Variants in SSBP3 observed in about 807,000 individuals in gnomAD.
The protein encoded by SSBP3 is single-stranded DNA-binding protein 3.
In SSBP3, 5 loss-of-function variants were observed where a neutral mutation model predicts 69.6. The observed-to-expected ratio is 0.07, with a 90% confidence interval of 0.04 to 0.15. The LOEUF is 0.15. SSBP3 is among the 10% of genes least tolerant of loss of function. SSBP3 has a pLI of 1.00. For missense variants in SSBP3, 312 were observed against 534.0 expected, an observed-to-expected ratio of 0.58 and a Z score of 4.10; for synonymous variants, 196 against 193.4, an observed-to-expected ratio of 1.01 and a Z score of -0.11.
intron 4 of SSBP3, among the ~76,000 whole-genome samples, chr1:54,315,059 C>A (rs1646071437): frequency 6.6e-6 from 1 of 152,172 alleles, no homozygotes; most frequent in Non-Finnish European, 1.5e-5. Context: ...CCTGGAGAGG[C>A]TGCTGGCTCT....
At chr1:54,362,966 G>A (rs58468795) in intron 4 of SSBP3, among the ~76,000 whole-genome samples, 1,973 of 152,112 alleles carry the variant, frequency 0.013, 38 homozygotes, top group African/African-American at 0.045. Flanking sequence ...CGGGGGGCGG[G>A]GCAGAGGGAT....
At chr1:54,355,325 A>T (rs188791933) in intron 4 of SSBP3, among the ~76,000 whole-genome samples, 1 of 152,156 alleles carries the variant, frequency 6.6e-6, no homozygotes, top group South Asian at 2.1e-4. Flanking sequence ...CACAGACATT[A>T]CAGGGAGATC....
chr1:54,361,010 A>G (rs2100632749), intron 4 of SSBP3, among the ~76,000 whole-genome samples: 1 of 152,078 alleles, frequency 6.6e-6, no homozygotes, highest in African/African-American at 2.4e-5. Flanking sequence ...GGACTGCTTG[A>G]GCCCAGGAGG....
intron 4 of SSBP3, among the ~76,000 whole-genome samples, chr1:54,389,450 GC>G (rs1035612982): frequency 2.6e-5 from 4 of 151,970 alleles, no homozygotes; most frequent in Non-Finnish European, 5.9e-5. Flanking sequence ...AACCCTATGA[GC>G]CCAGGCCAGG....
chr1:54,396,889 G>A (rs896707130), intron 4 of SSBP3, among the ~76,000 whole-genome samples: 2 of 152,090 alleles, frequency 1.3e-5, no homozygotes, highest in Admixed American at 6.5e-5. Flanking sequence ...CCATTAAGGT[G>A]GCTGCACTGC....
intron 4 of SSBP3, among the ~76,000 whole-genome samples, chr1:54,308,388 T>G (rs1645937328): frequency 6.6e-6 from 1 of 150,744 alleles, no homozygotes; most frequent in South Asian, 2.1e-4. Flanking sequence ...GATCATGAGG[T>G]CAGGAGATCG....
At chr1:54,274,760 G>A (rs994994714) in intron 5 of SSBP3, among the ~76,000 whole-genome samples, 7 of 152,160 alleles carry the variant, frequency 4.6e-5, no homozygotes, top group South Asian at 2.1e-4. Flanking sequence ...TCCTGGGATC[G>A]CGTTGCTCCC....
intron 14 of SSBP3, chr1:54,237,532 C>T (rs1644519397): frequency 6.6e-6 from 1 of 152,296 alleles, no homozygotes. Context: ...CCATTTCTCA[C>T]ATTCTTTTCT....
At chr1:54,323,492 T>G (rs1446687896) in intron 4 of SSBP3, among the ~76,000 whole-genome samples, 1 of 152,144 alleles carries the variant, frequency 6.6e-6, no homozygotes, top group African/African-American at 2.4e-5. Context: ...GAGGAGGTGT[T>G]GCTCCAGCCT....
At position 54,276,608 on chromosome 1, in the gene SSBP3, C is replaced by CAAAAAAAAA. The variant is rs746933473; in HGVS notation, c.366+4821_366+4829dup. ...TGGGTGACAGAGTGAGACTCTGTCT[C>CAAAAAAAAA]AAAAAAAAAAAAAAAAAAAAAAAAA... On this transcript the variant is annotated intron_variant, in intron 5 of 17. Coordinates refer to ENST00000610401, the Ensembl canonical transcript of SSBP3. Among the ~76,000 whole-genome samples the CAAAAAAAAA allele has an allele frequency of 3.7e-4, 13 of 35,214 alleles. 1 individual carries two copies. Among genetic ancestry groups the CAAAAAAAAA allele is most frequent in the African/African-American group, 1.8e-3 (12 of 6,692 alleles). 23.1% of individuals were successfully genotyped at this position (35,214 alleles called of 152,430 possible). A position where few individuals can be genotyped will look rare whatever the true frequency, so the allele number is the denominator to read the frequency against.
chr1:54,275,697 C>T (rs1024442106), intron 5 of SSBP3, among the ~76,000 whole-genome samples: 5 of 152,234 alleles, frequency 3.3e-5, no homozygotes, highest in Admixed American at 6.5e-5. Context: ...ATTAATTTGG[C>T]AGATGACAGA....
At chr1:54,362,561 C>T (rs904507977) in intron 4 of SSBP3, among the ~76,000 whole-genome samples, 2 of 152,232 alleles carry the variant, frequency 1.3e-5, no homozygotes, top group Non-Finnish European at 2.9e-5. Flanking sequence ...CTCTACCCGA[C>T]CTGGGCTCCT....
In SSBP3 at chr1:54,259,894, A is replaced by G. The variant is rs536338544; in HGVS notation, c.367-1745T>C. On this transcript the variant is annotated intron_variant, in intron 5 of 17. Transcript: ENST00000610401. ...AGTGTGTGTCTTTCTAGCGGCTGCC[A>G]GCAACGGCATGGTTTGTTACCATGA... Among the ~76,000 whole-genome samples the G allele has an allele frequency of 2.6e-5, 4 of 152,388 alleles. No individual in the cohort carries two copies. The South Asian group carries it at 8.3e-4, about 32-fold the overall frequency.
At chr1:54,255,691 T>A (rs1008068576) in intron 7 of SSBP3, 1 of 151,852 alleles carries the variant, frequency 6.6e-6, no homozygotes, top group African/African-American at 2.4e-5. Context: ...GTCCCCTTCA[T>A]GTCAGAGAAA....
chr1:54,405,870 G>A (rs908102360), intron 1 of SSBP3, 83 bp downstream of exon 1: 3 of 100,020 alleles, frequency 3.0e-5, no homozygotes, highest in African/African-American at 8.7e-5. Context: ...TCCGGCCCCC[G>A]CCCGCCCGCC....
intron 4 of SSBP3, among the ~76,000 whole-genome samples, chr1:54,365,625 A>G (rs886304305): frequency 6.6e-6 from 1 of 152,068 alleles, no homozygotes; most frequent in Non-Finnish European, 1.5e-5. Context: ...CAACCATCAG[A>G]TATTGGTGAT....
At chr1:54,308,463 C>T (rs893296996) in intron 4 of SSBP3, among the ~76,000 whole-genome samples, 8 of 152,106 alleles carry the variant, frequency 5.3e-5, no homozygotes, top group East Asian at 1.9e-4. Flanking sequence ...TAGCCAGGCG[C>T]GGTGGCGGGT....
At chr1:54,230,671 T>A (rs1174142257) in intron 14 of SSBP3, among the ~76,000 whole-genome samples, 4 of 152,150 alleles carry the variant, frequency 2.6e-5, no homozygotes, top group African/African-American at 9.7e-5. Context: ...CTGCAGTCAT[T>A]TCTGTCCTCC....
intron 4 of SSBP3, among the ~76,000 whole-genome samples, chr1:54,359,549 TAC>T (rs1160493891): frequency 6.6e-6 from 1 of 152,210 alleles, no homozygotes; most frequent in Non-Finnish European, 1.5e-5. Flanking sequence ...CTCACTGACC[TAC>T]AGAGAGCTTT....
Sources: gnomAD v4.1 joint callset for allele counts (sites outside exome capture counted in the v4.1 genomes callset) on GRCh38, gnomAD v4.1.1 for gene constraint, MANE v1.5 for transcripts, NCBI Gene and HGNC (gene_info 2026-07-23, HGNC 2026-07-21) for gene names.